The following CENPI variants were observed in gnomAD, a reference collection of about 807,000 sequenced individuals.
CENPI encodes the protein FSH primary response 1.
A neutral mutation model predicts 60.4 loss-of-function variants in CENPI; 4 were observed. That is an observed-to-expected ratio of 0.07 (90% CI 0.03 to 0.15). The LOEUF (loss-of-function observed/expected upper bound fraction) is 0.15. Among genes scored for constraint, CENPI ranks in the 10% least tolerant of loss-of-function variants. The pLI is 1.00. For missense variants in CENPI, 444 were observed against 534.5 expected, an observed-to-expected ratio of 0.83 and a Z score of 1.67; for synonymous variants, 157 against 189.4, an observed-to-expected ratio of 0.83 and a Z score of 1.40.
intron 6 of CENPI, among the ~76,000 whole-genome samples, chrX:101,114,188 C>T (rs950374060): frequency 2.7e-5 from 3 of 111,862 alleles, no homozygotes; most frequent in South Asian, 3.7e-4. Context: ...ACTGGAGAGG[C>T]GGAGATTGCA....
intron 20 of CENPI, among the ~76,000 whole-genome samples, chrX:101,158,751 C>T (rs1400372327): frequency 1.8e-5 from 2 of 111,006 alleles, no homozygotes; most frequent in African/African-American, 6.6e-5. Flanking sequence ...ATGCCTTCAC[C>T]TCTCAAATAG....
At chrX:101,134,880 C>T (rs148685507) in intron 15 of CENPI, among the ~76,000 whole-genome samples, 2,924 of 109,830 alleles carry the variant, frequency 0.027, 40 homozygotes, top group Middle Eastern at 0.032. Context: ...AAAAATTAGC[C>T]GGGCGTGCCC....
rs781766783 is a variant in CENPI at position 101,148,087 on chromosome X, G to A, written c.2020G>A (p.Ala674Thr). Reference protein sequence around the residue: ...DPEILEKTGVAEYKNSLNVVH... With the variant: ...DPEILEKTGVTEYKNSLNVVH... ...TGAAATCCTAGAAAAAACTGGAGTG[G>A]CTGAATATAAAAACAGTTTAAATGT... Residue 674 changes from alanine (A) to threonine (T), a missense_variant, in exon 20 of 22, where the codon GCT becomes ACT. Ala to Thr is a moderately conservative substitution (Grantham distance 58). Coordinates refer to ENST00000682095, the MANE Select transcript of CENPI (RefSeq NM_001386188.2). 8.5e-7 allele frequency: 1 copy of A among 1,179,839 alleles called. No individual in the cohort carries two copies. The highest frequency in any genetic ancestry group is 3.0e-5 in the East Asian group (1 of 33,534).
intron 3 of CENPI, among the ~76,000 whole-genome samples, chrX:101,101,954 C>T (rs968523895): frequency 8.9e-6 from 1 of 112,351 alleles, no homozygotes; most frequent in Non-Finnish European, 1.9e-5. Flanking sequence ...GATCATTGTA[C>T]GTTTAACCTT....
In CENPI at chrX:101,164,405, T is replaced by C. The variant is rs1408622662; in HGVS notation, c.*1438T>C. On this transcript the variant is annotated 3_prime_UTR_variant, in exon 22 of 22. Coordinates refer to ENST00000682095, the MANE Select transcript of CENPI (RefSeq NM_001386188.2). ...TGGAGTGCAGAGGCATGATCTTGGC[T>C]CACTGCAACCTCTACTTTCTGGTTC... Among the ~76,000 whole-genome samples, 1 of 111,452 alleles carries C rather than the reference T, an allele frequency of 9.0e-6. No homozygotes were observed. Among genetic ancestry groups the C allele is most frequent in the African/African-American group, 3.3e-5 (1 of 30,640 alleles).
intron 6 of CENPI, among the ~76,000 whole-genome samples, chrX:101,117,473 G>T (rs1315205501): frequency 8.9e-6 from 1 of 112,092 alleles, no homozygotes; most frequent in Non-Finnish European, 1.9e-5. Context: ...GGGATTACAG[G>T]CATGAGCCAC....
At chrX:101,180,325 T>G in the CENPI span, among the ~76,000 whole-genome samples, 6 of 110,515 alleles carry the variant, frequency 5.4e-5, no homozygotes, top group Non-Finnish European at 1.1e-4. Context: ...TTTGTAGAGA[T>G]AAGGTCTCAC....
At chrX:101,109,429 C>A in intron 4 of CENPI, 44 bp from the exon 5 acceptor site, 1 of 976,328 alleles carries the variant, frequency 1.0e-6, no homozygotes, top group African/African-American at 1.9e-5. Flanking sequence ...AAAGAACAAT[C>A]GAGACACTAA....
intron 20 of CENPI, among the ~76,000 whole-genome samples, chrX:101,157,802 T>C (rs920465612): frequency 7.2e-5 from 8 of 111,010 alleles, no homozygotes; most frequent in Non-Finnish European, 1.1e-4. Context: ...CATTTTTTCA[T>C]GTTAAGAACA....
chrX:101,138,652 A>T lies in CENPI; in HGVS notation c.1471-2014A>T, dbSNP rs1405899004. Among the ~76,000 whole-genome samples, 146 of 102,197 alleles carry T rather than the reference A, an allele frequency of 1.4e-3. 1 individual carries two copies. The highest frequency in any genetic ancestry group is 2.0e-3 in the Non-Finnish European group (102 of 50,513). The allele number at this position is 102,197 out of a possible 115,157, so 88.7% of individuals were successfully genotyped here. On this transcript the variant is annotated intron_variant, in intron 15 of 21. Transcript: ENST00000682095. ...AGATTTTTTTTTTTCCTGAGATGGG[A>T]TCTCATTCTGTTGCTCAGGCTGGTG... is the stretch of plus-strand genomic sequence containing the variant.
chrX:101,121,436 G>A (rs1250664089), intron 8 of CENPI, among the ~76,000 whole-genome samples: 1 of 109,858 alleles, frequency 9.1e-6, no homozygotes, highest in Non-Finnish European at 1.9e-5. Context: ...GATTACAGGC[G>A]CCCACCACCA....
chrX:101,110,143 C>T (rs1258228877), intron 6 of CENPI, 145 bp downstream of exon 6: 6 of 339,722 alleles, frequency 1.8e-5, no homozygotes, highest in Admixed American at 5.7e-5. Flanking sequence ...ACCAAGATAA[C>T]GTAGACATAT....
At chrX:101,124,560 T>C (rs2089714404) in intron 8 of CENPI, among the ~76,000 whole-genome samples, 1 of 111,759 alleles carries the variant, frequency 8.9e-6, no homozygotes, top group African/African-American at 3.3e-5. Flanking sequence ...ATGGTTTGGC[T>C]GTGTCTCCAC....
intron 15 of CENPI, among the ~76,000 whole-genome samples, chrX:101,136,269 A>T (rs2089847316): frequency 8.9e-6 from 1 of 111,796 alleles, no homozygotes; most frequent in South Asian, 3.8e-4. Flanking sequence ...GAAGACAGAG[A>T]AAGCATACTT....
At chrX:101,166,985 C>T (rs2090146122), downstream of CENPI, among the ~76,000 whole-genome samples, 1 of 112,558 alleles carries the variant, frequency 8.9e-6, no homozygotes. Flanking sequence ...GTCTCAATCT[C>T]ATGACCTTGT....
chrX:101,125,411 A>G (rs773950554), intron 8 of CENPI, among the ~76,000 whole-genome samples: 2 of 110,569 alleles, frequency 1.8e-5, no homozygotes, highest in Non-Finnish European at 3.8e-5. Context: ...TTATTTATTT[A>G]TTGGAGATGG....
intron 20 of CENPI, among the ~76,000 whole-genome samples, chrX:101,154,717 A>T (rs1420454951): frequency 4.5e-5 from 5 of 111,771 alleles, no homozygotes; most frequent in African/African-American, 1.6e-4. Context: ...ATGTCATTCC[A>T]TTTATGTAGG....
In CENPI at chrX:101,110,728, C is replaced by T. The variant is rs192022877; in HGVS notation, c.591+730C>T. ...TTTAGCATAGGGTTTCTATATTCCA[C>T]GAACTTGAAATCTCATTGGGGAATT... On this transcript the variant is annotated intron_variant, in intron 6 of 21. Coordinates refer to ENST00000682095, the MANE Select transcript of CENPI (RefSeq NM_001386188.2). 1.8e-4 allele frequency among the ~76,000 whole-genome samples: 20 copies of T among 111,920 alleles called. No homozygotes were observed. In the East Asian group the frequency reaches 5.3e-3, roughly 30 times the overall value.
downstream of CENPI, among the ~76,000 whole-genome samples, chrX:101,169,591 T>C (rs1352371246): frequency 1.8e-5 from 2 of 112,307 alleles, no homozygotes; most frequent in African/African-American, 3.2e-5. Flanking sequence ...ATGTATTTAC[T>C]GTACTTTTTA....
Sources: gnomAD v4.1 joint callset for allele counts (sites outside exome capture counted in the v4.1 genomes callset) on GRCh38, gnomAD v4.1.1 for gene constraint, MANE v1.5 for transcripts, NCBI Gene and HGNC (gene_info 2026-07-23, HGNC 2026-07-21) for gene names.